Variants in RYR2 observed in about 807,000 individuals in gnomAD.
RYR2 encodes the protein cardiac muscle ryanodine receptor-calcium release channel.
A neutral mutation model predicts 601.1 loss-of-function variants in RYR2; 227 were observed. That is an observed-to-expected ratio of 0.38 (90% CI 0.34 to 0.42). RYR2 has a LOEUF of 0.42. Ranked by LOEUF, RYR2 falls within the 10% of genes least tolerant of loss-of-function variation. The probability of loss-of-function intolerance (pLI) is 1.00; values close to 1 mark genes in which losing one functional copy is unlikely to be tolerated. For synonymous variants in RYR2, 2,223 were observed against 2,175.1 expected, an observed-to-expected ratio of 1.02 and a Z score of -0.61; for missense variants, 4,646 against 6,156.5, an observed-to-expected ratio of 0.75 and a Z score of 8.21.
At chr1:237,148,515 TAAAAA>T (rs372359390) in intron 1 of RYR2, among the ~76,000 whole-genome samples, 7 of 105,156 alleles carry the variant, frequency 6.7e-5, no homozygotes, top group African/African-American at 2.5e-4. Context: ...GAACTTCAAG[TAAAAA>T]AAAAAAAATA....
chr1:237,608,796 GTTTTTTTTT>G (rs33945891), intron 35 of RYR2, among the ~76,000 whole-genome samples: 1 of 119,216 alleles, frequency 8.4e-6, no homozygotes, highest in African/African-American at 3.0e-5. Context: ...AGACTGACCT[GTTTTTTTTT>G]TTTTTTTTTT....
rs1308108478 is a variant in RYR2 at position 237,651,468 on chromosome 1, A to G, written c.7791A>G (p.Pro2597=). 2 of 1,589,754 alleles carry G rather than the reference A, an allele frequency of 1.3e-6. No individual in the cohort carries two copies. The highest frequency in any genetic ancestry group is 1.8e-5 in the Admixed American group (1 of 56,922). ...HLLRRLVFDV[P]LLNEHAKMPL... The stretch of plus-strand genomic sequence containing the variant: ...TCAGAAGATTAGTATTTGATGTTCC[A>G]TTATTAAATGAACACGCAAAGATGC... The change falls in exon 51 of 105, where the codon CCA becomes CCG. Residue 2597 remains proline, a synonymous_variant. Coordinates refer to ENST00000366574, the MANE Select transcript of RYR2 (RefSeq NM_001035.3).
At chr1:237,042,884 G>A (rs1660085593) in intron 1 of RYR2, among the ~76,000 whole-genome samples, 1 of 152,168 alleles carries the variant, frequency 6.6e-6, no homozygotes, top group Non-Finnish European at 1.5e-5. Context: ...ACCGGGAGAG[G>A]AGGGGACGGC....
chr1:237,299,367 C>T (rs977808191), intron 2 of RYR2, among the ~76,000 whole-genome samples: 14 of 151,822 alleles, frequency 9.2e-5, no homozygotes, highest in African/African-American at 1.5e-4. Flanking sequence ...TATTTGAATA[C>T]GGAAGAATAA....
chr1:237,184,762 T>C (rs185468162), intron 1 of RYR2, among the ~76,000 whole-genome samples: 2 of 152,182 alleles, frequency 1.3e-5, no homozygotes, highest in South Asian at 4.1e-4. Flanking sequence ...ATAAATTTAT[T>C]AGGTTTTAAA....
chr1:237,497,964 C>T (rs1206141850), intron 20 of RYR2, among the ~76,000 whole-genome samples: 3 of 151,826 alleles, frequency 2.0e-5, no homozygotes, highest in African/African-American at 4.8e-5. Flanking sequence ...CGGGTTCAAG[C>T]GATTCTCATG....
chr1:237,213,174 A>G (rs967463104), intron 1 of RYR2, among the ~76,000 whole-genome samples: 2 of 151,476 alleles, frequency 1.3e-5, no homozygotes, highest in African/African-American at 4.9e-5. Context: ...CTTATTTTTT[A>G]GGTTTTTAAA....
At chr1:237,137,928 C>G (rs771561657) in intron 1 of RYR2, among the ~76,000 whole-genome samples, 2 of 152,138 alleles carry the variant, frequency 1.3e-5, no homozygotes, top group Non-Finnish European at 2.9e-5. Context: ...ACATGCTTAC[C>G]CCTTCCCTAA....
intron 41 of RYR2, among the ~76,000 whole-genome samples, chr1:237,629,089 A>T (rs1243570047): frequency 6.6e-6 from 1 of 152,224 alleles, no homozygotes; most frequent in South Asian, 2.1e-4. Context: ...ATTAGGGAGA[A>T]GAAAACGGAA....
chr1:237,553,839 A>G (rs994645804), intron 27 of RYR2, among the ~76,000 whole-genome samples: 1 of 151,966 alleles, frequency 6.6e-6, no homozygotes, highest in Non-Finnish European at 1.5e-5. Flanking sequence ...CGAATATGAG[A>G]TATATAATTG....
At chr1:237,550,764 T>TA in intron 27 of RYR2, 73 bp downstream of exon 27, 2 of 1,442,510 alleles carry the variant, frequency 1.4e-6, no homozygotes, top group Non-Finnish European at 9.3e-7. Context: ...AATAAATGAA[T>TA]AAAAGGGGGA....
At chr1:237,677,149 GTTA>G (rs1000991741) in intron 60 of RYR2, among the ~76,000 whole-genome samples, 5 of 151,988 alleles carry the variant, frequency 3.3e-5, no homozygotes, top group Admixed American at 6.6e-5. Context: ...ATTATCTCAA[GTTA>G]TTATTATTAT....
intron 98 of RYR2, among the ~76,000 whole-genome samples, chr1:237,803,241 C>T (rs1348736819): frequency 3.9e-5 from 6 of 152,034 alleles, no homozygotes; most frequent in Non-Finnish European, 8.8e-5. Flanking sequence ...ACCTTTGGCC[C>T]AGCTTGTCAC....
At chr1:237,166,412 C>A (rs944342692) in intron 1 of RYR2, among the ~76,000 whole-genome samples, 2 of 152,154 alleles carry the variant, frequency 1.3e-5, no homozygotes, top group Non-Finnish European at 2.9e-5. Flanking sequence ...ATGGATGGAT[C>A]TTTTGAAATT....
chr1:237,266,231 C>T (rs1052639635), intron 1 of RYR2, among the ~76,000 whole-genome samples: 2 of 152,128 alleles, frequency 1.3e-5, no homozygotes, highest in African/African-American at 2.4e-5. Context: ...GGAAGACATA[C>T]TTTAATTAAT....
chr1:237,309,879 C>T (rs1049124060), intron 2 of RYR2, among the ~76,000 whole-genome samples: 2 of 152,154 alleles, frequency 1.3e-5, no homozygotes, highest in African/African-American at 4.8e-5. Flanking sequence ...GGTGCTAAGC[C>T]CCTCACTGCC....
intron 12 of RYR2, among the ~76,000 whole-genome samples, chr1:237,427,130 A>G (rs2150077054): frequency 6.6e-6 from 1 of 152,338 alleles, no homozygotes; most frequent in East Asian, 1.9e-4. Context: ...TGAGAGAAAG[A>G]GGAACACGCT....
At chr1:237,439,468 A>ATGC (rs1707697425) in intron 12 of RYR2, among the ~76,000 whole-genome samples, 2 of 152,044 alleles carry the variant, frequency 1.3e-5, no homozygotes, top group African/African-American at 2.4e-5. Context: ...AACATGGTGC[A>ATGC]ATCTGTCTCT....
At chr1:237,521,209 A>G (rs1197806028) in intron 24 of RYR2, among the ~76,000 whole-genome samples, 33 of 152,196 alleles carry the variant, frequency 2.2e-4, no homozygotes, top group Non-Finnish European at 2.9e-5. Flanking sequence ...CTATGAAGCC[A>G]GTATCACCCT....
Sources: gnomAD v4.1 joint callset for allele counts (sites outside exome capture counted in the v4.1 genomes callset) on GRCh38, gnomAD v4.1.1 for gene constraint, MANE v1.5 for transcripts, NCBI Gene and HGNC (gene_info 2026-07-23, HGNC 2026-07-21) for gene names.